The following ST8SIA2 variants were observed in gnomAD, a reference collection of about 807,000 sequenced individuals.
The protein encoded by ST8SIA2 is ST8 alpha-N-acetyl-neuraminide alpha-2,8-sialyltransferase 2.
In ST8SIA2, 22 loss-of-function variants were observed where a neutral mutation model predicts 37.6. That is an observed-to-expected ratio of 0.58 (90% CI 0.42 to 0.83). The LOEUF (loss-of-function observed/expected upper bound fraction) is 0.83, where lower values mean the gene tolerates loss of function less well. Among genes scored for constraint, ST8SIA2 ranks in the 40% least tolerant of loss-of-function variants. ST8SIA2 has a pLI of 0.00. For synonymous variants in ST8SIA2, 205 were observed against 201.2 expected, an observed-to-expected ratio of 1.02 and a Z score of -0.16; for missense variants, 382 against 484.7, an observed-to-expected ratio of 0.79 and a Z score of 1.99.
intron 1 of ST8SIA2, among the ~76,000 whole-genome samples, chr15:92,417,935 A>G (rs563229380): frequency 6.6e-6 from 1 of 152,178 alleles, no homozygotes; most frequent in South Asian, 2.1e-4. Context: ...TTGCTGAGTA[A>G]CCCTTGCTTC....
At chr15:92,434,922 C>A (rs1458795488) in intron 3 of ST8SIA2, among the ~76,000 whole-genome samples, 1 of 151,928 alleles carries the variant, frequency 6.6e-6, no homozygotes, top group East Asian at 1.9e-4. Flanking sequence ...GTCTGTTTAG[C>A]CAGAGAGCAG....
chr15:92,442,428 C>T (rs1002644229), intron 4 of ST8SIA2, among the ~76,000 whole-genome samples: 1 of 152,166 alleles, frequency 6.6e-6, no homozygotes, highest in Non-Finnish European at 1.5e-5. Context: ...TGCTTCACCC[C>T]TCGTGAGCCG....
rs556563258 is a variant in ST8SIA2, at chr15:92,462,978, A to G, written c.843-1122A>G. Among the ~76,000 whole-genome samples the G allele has an allele frequency of 5.9e-5, 9 of 152,332 alleles. No individual in the cohort carries two copies. In the South Asian group the frequency reaches 1.9e-3, roughly 32 times the overall value. ...GGGAGAAAGTTCTAGATTTTCTTGGAATGTTGAGACCTGGAGGATATCTTG... is the reference window on the plus strand; with the variant it reads ...GGGAGAAAGTTCTAGATTTTCTTGGGATGTTGAGACCTGGAGGATATCTTG... On this transcript the variant is annotated intron_variant, in intron 5 of 5. Coordinates refer to ENST00000268164, the MANE Select transcript of ST8SIA2 (RefSeq NM_006011.4).
intron 2 of ST8SIA2, among the ~76,000 whole-genome samples, chr15:92,431,431 A>C (rs1007734145): frequency 4.6e-5 from 7 of 152,254 alleles, no homozygotes; most frequent in African/African-American, 1.7e-4. Flanking sequence ...TTTAAGGATT[A>C]GAACCACCAA....
intron 1 of ST8SIA2, among the ~76,000 whole-genome samples, chr15:92,427,973 A>G (rs1423873430): frequency 1.3e-5 from 2 of 152,174 alleles, no homozygotes; most frequent in Admixed American, 6.5e-5. Flanking sequence ...ATGAAGGGAG[A>G]CTCGGTCTCA....
At chr15:92,440,184 T>C (rs945010628) in intron 4 of ST8SIA2, among the ~76,000 whole-genome samples, 1 of 152,204 alleles carries the variant, frequency 6.6e-6, no homozygotes, top group Non-Finnish European at 1.5e-5. Context: ...ACTTGGAGTG[T>C]ATCTCTCTGC....
At chr15:92,395,112 G>A (rs7183703) in intron 1 of ST8SIA2, among the ~76,000 whole-genome samples, 25,958 of 152,050 alleles carry the variant, frequency 0.17, 3,461 homozygotes, top group African/African-American at 0.37. Context: ...GCCCCTCTCC[G>A]GAACCTCCAA....
At chr15:92,452,777 G>A (rs3784729) in intron 5 of ST8SIA2, among the ~76,000 whole-genome samples, 40,642 of 152,022 alleles carry the variant, frequency 0.27, 6,107 homozygotes, top group Admixed American at 0.46. Flanking sequence ...GACAAATGTT[G>A]ACTTCTCAGA....
intron 1 of ST8SIA2, among the ~76,000 whole-genome samples, chr15:92,405,959 C>T (rs1165178132): frequency 6.6e-6 from 1 of 152,162 alleles, no homozygotes; most frequent in Non-Finnish European, 1.5e-5. Context: ...AGACCCCCTC[C>T]CTCCCAGACG....
chr15:92,396,955 C>G (rs2049436547), intron 1 of ST8SIA2, among the ~76,000 whole-genome samples: 1 of 152,210 alleles, frequency 6.6e-6, no homozygotes, highest in South Asian at 2.1e-4. Context: ...TACTCAGGCA[C>G]AAGAGGCTTT....
chr15:92,434,921 G>A (rs35848755), intron 3 of ST8SIA2, among the ~76,000 whole-genome samples: 77,029 of 151,702 alleles, frequency 0.51, 19,749 homozygotes, highest in East Asian at 0.69. Context: ...GGTCTGTTTA[G>A]CCAGAGAGCA....
chr15:92,405,202 A>T (rs2049499169), intron 1 of ST8SIA2, among the ~76,000 whole-genome samples: 2 of 152,256 alleles, frequency 1.3e-5, no homozygotes, highest in African/African-American at 2.4e-5. Context: ...TGAGAACATT[A>T]TGCTGAGTGG....
intron 1 of ST8SIA2, among the ~76,000 whole-genome samples, chr15:92,394,917 C>T (rs1053068597): frequency 8.5e-5 from 13 of 152,208 alleles, no homozygotes; most frequent in Non-Finnish European, 1.5e-4. Context: ...CTTCTGGGCC[C>T]TCAGGCGGGC....
chr15:92,396,395 G>C (rs1232277779), intron 1 of ST8SIA2, among the ~76,000 whole-genome samples: 1 of 152,142 alleles, frequency 6.6e-6, no homozygotes, highest in African/African-American at 2.4e-5. Flanking sequence ...TAAACACATG[G>C]GCAGAGCATG....
At chr15:92,449,829 GC>G (rs2049869335) in intron 5 of ST8SIA2, among the ~76,000 whole-genome samples, 4 of 152,054 alleles carry the variant, frequency 2.6e-5, no homozygotes, top group Admixed American at 2.6e-4. Context: ...CATGTCTTTT[GC>G]CGATTTTTTA....
At chr15:92,396,305 G>A (rs748182263) in intron 1 of ST8SIA2, among the ~76,000 whole-genome samples, 3 of 152,128 alleles carry the variant, frequency 2.0e-5, no homozygotes, top group Non-Finnish European at 4.4e-5. Context: ...GGGCACTCTT[G>A]CCCCACCCAC....
At chr15:92,443,896 G>C (rs1019946139) in intron 4 of ST8SIA2, among the ~76,000 whole-genome samples, 1 of 152,098 alleles carries the variant, frequency 6.6e-6, no homozygotes, top group Admixed American at 6.6e-5. Context: ...AGGAACCCGG[G>C]AATCTATATT....
At chr15:92,395,788 C>T (rs1205734552) in intron 1 of ST8SIA2, among the ~76,000 whole-genome samples, 2 of 152,204 alleles carry the variant, frequency 1.3e-5, no homozygotes, top group Non-Finnish European at 2.9e-5. Context: ...GCTCAGATCA[C>T]TTGCTGACCT....
intron 1 of ST8SIA2, among the ~76,000 whole-genome samples, chr15:92,406,805 G>C (rs932463919): frequency 1.3e-5 from 2 of 152,042 alleles, no homozygotes; most frequent in African/African-American, 4.8e-5. Flanking sequence ...AGACCAGTCT[G>C]GGCAACATGG....
Sources: gnomAD v4.1 joint callset for allele counts (sites outside exome capture counted in the v4.1 genomes callset) on GRCh38, gnomAD v4.1.1 for gene constraint, MANE v1.5 for transcripts, NCBI Gene and HGNC (gene_info 2026-07-23, HGNC 2026-07-21) for gene names.